Variants in CEP290 observed in about 807,000 individuals in gnomAD.
The protein encoded by CEP290 is centrosomal protein of 290 kDa.
A neutral mutation model predicts 344.9 loss-of-function variants in CEP290; 317 were observed. That is an observed-to-expected ratio of 0.92 (90% CI 0.84 to 1.01). The LOEUF is 1.01. CEP290 is among the 50% of genes least tolerant of loss of function. The pLI is 0.00. For synonymous variants in CEP290, 932 were observed against 895.8 expected (o/e 1.04, Z -0.72); for missense variants, 2,754 against 2,761.4 (o/e 1.00, Z 0.06).
At chr12:88,071,721 AT>A in intron 42 of CEP290, 59 bp downstream of exon 42, 1 of 1,304,932 alleles carries the variant, frequency 7.7e-7, no homozygotes, top group Non-Finnish European at 1.0e-6. Context: ...AAGCTATATA[AT>A]TTCCAGGTCA....
intron 3 of CEP290, 83 bp downstream of exon 3, chr12:88,140,873 C>T: frequency 1.2e-6 from 1 of 845,818 alleles, no homozygotes; most frequent in Non-Finnish European, 1.8e-6. Context: ...CAGGTATTTT[C>T]ACAAAGATTA....
At chr12:88,063,780 T>G (rs1041641833) in intron 45 of CEP290, among the ~76,000 whole-genome samples, 1 of 152,078 alleles carries the variant, frequency 6.6e-6, no homozygotes, top group African/African-American at 2.4e-5. Context: ...GACTGCTGTT[T>G]CCCAGCATCT....
At chr12:88,114,369 A>G in intron 20 of CEP290, 51 bp downstream of exon 20, 1 of 1,426,286 alleles carries the variant, frequency 7.0e-7, no homozygotes, top group Non-Finnish European at 9.5e-7. Flanking sequence ...ACAGCAGAAA[A>G]TCTCTCTAAA....
intron 14 of CEP290, 151 bp downstream of exon 14, chr12:88,120,846 T>A (rs2039354967): frequency 1.6e-6 from 1 of 641,344 alleles, no homozygotes; most frequent in African/African-American, 1.9e-5. Context: ...CTCAAAGGTT[T>A]CAATAGTTTA....
At position 88,089,374 on chromosome 12, in the gene CEP290, C is replaced by T. The variant is rs1345968216; in HGVS notation, c.3687G>A (p.Gln1229=). 1.1e-5 allele frequency: 17 copies of T among 1,613,780 alleles called. No homozygotes were observed. Among genetic ancestry groups the T allele is most frequent in the Non-Finnish European group, 1.4e-5 (16 of 1,179,868 alleles). The part of the protein sequence containing the change: ...GKLESITSKL[Q]KMEAYNLRLE... ...AGCGCAAGTTGTAGGCCTCCATCTTCTGCAGTTTAGATGTAATTGACTCCA... is the reference window on the plus strand; with the variant it reads ...AGCGCAAGTTGTAGGCCTCCATCTTTTGCAGTTTAGATGTAATTGACTCCA... The change falls in exon 31 of 54, where the codon CAG becomes CAA. Residue 1229 remains glutamine, a synonymous_variant. Transcript: ENST00000552810.
Position 88,062,815 on chromosome 12 carries a change from T to C in CEP290, c.6271-37A>G, listed in dbSNP as rs899585566. Reference sequence around the variant, plus strand: ...CAAGCAAACATGTAATAATTTAACATAGCTACAGCCATTGAAAAGAAAAGG... The same window carrying C: ...CAAGCAAACATGTAATAATTTAACACAGCTACAGCCATTGAAAAGAAAAGG... On this transcript the variant is annotated intron_variant, in intron 45 of 53. Coordinates refer to ENST00000552810, the MANE Select transcript of CEP290 (RefSeq NM_025114.4). 1.0e-5 allele frequency: 13 copies of C among 1,304,852 alleles called. No individual in the cohort carries two copies. In the Middle Eastern group the frequency reaches 5.4e-4, roughly 54 times the overall value. 80.8% of individuals were successfully genotyped at this position (1,304,852 alleles called of 1,614,324 possible). A position where few individuals can be genotyped will look rare whatever the true frequency, so the allele number is the denominator to read the frequency against.
At position 88,058,931 on chromosome 12, in the gene CEP290, AC is replaced by A; in HGVS notation, c.6734del (p.Gly2245ValfsTer35). On this transcript the variant is annotated frameshift_variant, in exon 49 of 54. Transcript: ENST00000552810. LOFTEE classifies it high-confidence loss of function. Reference sequence around the variant, plus strand: ...TGCTTTCTGCAAACTGCAATCTCTTACCAGTCTCTTCTAGTTGAACTGTCAT... The same window carrying A: ...TGCTTTCTGCAAACTGCAATCTCTTACAGTCTCTTCTAGTTGAACTGTCAT... ...EKMTVQLEET[G>X]KRLQFAESRG... 1 of 1,613,786 alleles carries A rather than the reference AC, an allele frequency of 6.2e-7. No homozygotes were observed. Among genetic ancestry groups the A allele is most frequent in the Non-Finnish European group, 8.5e-7 (1 of 1,179,794 alleles).
intron 10 of CEP290, among the ~76,000 whole-genome samples, chr12:88,129,455 G>C (rs1487866533): frequency 1.3e-5 from 2 of 151,292 alleles, no homozygotes; most frequent in Admixed American, 1.3e-4. Flanking sequence ...ACCCCATAAT[G>C]ACTGCTATCT....
At chr12:88,058,495 C>A in intron 49 of CEP290, 1 of 254,506 alleles carries the variant, frequency 3.9e-6, no homozygotes, top group Non-Finnish European at 7.4e-6. Context: ...AATCAAGAAG[C>A]TGAAGCTGCA....
chr12:88,065,406 T>G (rs2034842419), intron 44 of CEP290, among the ~76,000 whole-genome samples: 1 of 152,222 alleles, frequency 6.6e-6, no homozygotes, highest in African/African-American at 2.4e-5. Flanking sequence ...CAAACATTTT[T>G]GTTGATATAT....
intron 35 of CEP290, 71 bp downstream of exon 35, chr12:88,084,515 G>T: frequency 1.5e-6 from 2 of 1,312,498 alleles, no homozygotes; most frequent in Non-Finnish European, 2.1e-6. Flanking sequence ...CCACTTTAGG[G>T]TAAAATAATA....
At chr12:88,053,616 T>G in intron 52 of CEP290, 36 bp downstream of exon 52, 1 of 1,059,198 alleles carries the variant, frequency 9.4e-7, no homozygotes, top group Non-Finnish European at 1.4e-6. Context: ...ATTCAAAAAC[T>G]TGGGGGTAGC....
chr12:88,084,643 T>G lies in CEP290; in HGVS notation c.4647A>C (p.Leu1549Phe). ...TCTTTAATACTTCTTCTTTTTGATT[T>G]AACCTTGCTTGCATGTTTGCAATGG... is the stretch of plus-strand genomic sequence containing the variant. ...HQTIANMQARLNQKEEVLKKY... is the reference protein window; with the variant it reads ...HQTIANMQARFNQKEEVLKKY... The change falls in exon 35 of 54, where the codon TTA becomes TTC. Residue 1549 changes from leucine (L) to phenylalanine (F), a missense_variant. Transcript: ENST00000552810. The G allele has an allele frequency of 6.2e-7, 1 of 1,613,504 alleles. No individual in the cohort carries two copies. Among genetic ancestry groups the G allele is most frequent in the South Asian group, 1.1e-5 (1 of 91,032 alleles).
chr12:88,107,280 A>C (rs1054471059), intron 23 of CEP290, among the ~76,000 whole-genome samples, 182 bp from the exon 24 acceptor site: 2 of 152,176 alleles, frequency 1.3e-5, no homozygotes, highest in Non-Finnish European at 2.9e-5. Flanking sequence ...TAGAATTAAA[A>C]ATTTTTTAAA....
At chr12:88,121,236 G>A in intron 13 of CEP290, 70 bp from the exon 14 acceptor site, 1 of 1,175,786 alleles carries the variant, frequency 8.5e-7, no homozygotes, top group Non-Finnish European at 1.2e-6. Context: ...ATCCCAACAT[G>A]GTGGCAAGAA....
chr12:88,129,092 C>T, intron 10 of CEP290, 57 bp from the exon 11 acceptor site: 1 of 932,742 alleles, frequency 1.1e-6, no homozygotes, highest in Non-Finnish European at 1.5e-6. Context: ...TATATTTACA[C>T]CTGTGCATAT....
intron 14 of CEP290, 47 bp downstream of exon 14, chr12:88,120,950 G>A: frequency 6.6e-7 from 1 of 1,518,904 alleles, no homozygotes; most frequent in Non-Finnish European, 9.0e-7. Flanking sequence ...TCTGTGAATG[G>A]CAAGAATAAT....
chr12:88,099,995 A>AG (rs2037747938), intron 26 of CEP290, among the ~76,000 whole-genome samples: 1 of 151,612 alleles, frequency 6.6e-6, no homozygotes, highest in Admixed American at 6.6e-5. Context: ...AAAAAAAAAA[A>AG]CAGGCTGGGC....
chr12:88,092,757 C>T lies in CEP290; in HGVS notation c.3385G>A (p.Ala1129Thr), dbSNP rs71454116. Residue 1129 changes from alanine to threonine, a missense_variant, in exon 29 of 54, where the codon GCA (alanine) becomes ACA (threonine). Transcript: ENST00000552810. Reference protein sequence around the residue: ...RDELADSVSKAVSDADRQRIL... With the variant: ...RDELADSVSKTVSDADRQRIL... ...CGTTGCCTATCAGCATCACTTACTGCCTTGCTCACACTATCAGCTAATTCA... is the reference window on the plus strand; with the variant it reads ...CGTTGCCTATCAGCATCACTTACTGTCTTGCTCACACTATCAGCTAATTCA... 3.7e-6 allele frequency: 6 copies of T among 1,609,796 alleles called. No individual in the cohort carries two copies. The highest frequency in any genetic ancestry group is 4.5e-5 in the East Asian group (2 of 44,554).
Sources: gnomAD v4.1 joint callset for allele counts (sites outside exome capture counted in the v4.1 genomes callset) on GRCh38, gnomAD v4.1.1 for gene constraint, MANE v1.5 for transcripts, NCBI Gene and HGNC (gene_info 2026-07-23, HGNC 2026-07-21) for gene names.